The following FAT3 variants were observed in gnomAD, a reference collection of about 807,000 sequenced individuals.
FAT3 encodes FAT atypical cadherin 3, also known as protocadherin Fat 3.
FAT3 carries 95 observed loss-of-function variants against 310.2 expected under a neutral mutation model. The ratio of observed to expected loss-of-function variants is 0.31; its 90% CI spans 0.26 to 0.36. The LOEUF (loss-of-function observed/expected upper bound fraction) is 0.36. FAT3 is among the 10% of genes least tolerant of loss of function. The probability of loss-of-function intolerance (pLI) is 1.00; values close to 1 mark genes in which losing one functional copy is unlikely to be tolerated. For synonymous variants in FAT3, 2,314 were observed against 2,192.9 expected, an observed-to-expected ratio of 1.06 and a Z score of -1.54; for missense variants, 5,408 against 5,715.6, an observed-to-expected ratio of 0.95 and a Z score of 1.74.
chr11:92,794,804 C>G (rs10501797), intron 9 of FAT3, among the ~76,000 whole-genome samples: 50,681 of 152,016 alleles, frequency 0.33, 8,748 homozygotes, highest in African/African-American at 0.36. Flanking sequence ...CACAATAAAT[C>G]TCAAATGACC....
At chr11:92,576,288 G>GT (rs1383637915) in intron 3 of FAT3, among the ~76,000 whole-genome samples, 1 of 151,638 alleles carries the variant, frequency 6.6e-6, no homozygotes, top group Non-Finnish European at 1.5e-5. Context: ...ACTTCGTTGG[G>GT]TTTTAATTAC....
At chr11:92,572,661 T>G (rs150053498) in intron 3 of FAT3, among the ~76,000 whole-genome samples, 181 of 152,322 alleles carry the variant, frequency 1.2e-3, no homozygotes, top group African/African-American at 4.0e-3. Context: ...AATGACTGTG[T>G]ACATTGAGGT....
intron 3 of FAT3, among the ~76,000 whole-genome samples, chr11:92,657,315 A>G (rs1258479556): frequency 6.6e-6 from 1 of 152,204 alleles, no homozygotes; most frequent in African/African-American, 2.4e-5. Flanking sequence ...TGCTGAACAA[A>G]GATAATCATG....
At chr11:92,391,110 G>A (rs968103584) in intron 2 of FAT3, among the ~76,000 whole-genome samples, 1 of 152,124 alleles carries the variant, frequency 6.6e-6, no homozygotes, top group Non-Finnish European at 1.5e-5. Flanking sequence ...GTAGCCTAAG[G>A]CTGTGTAACT....
intron 2 of FAT3, among the ~76,000 whole-genome samples, chr11:92,405,265 T>C (rs918891323): frequency 6.6e-6 from 1 of 152,164 alleles, no homozygotes; most frequent in African/African-American, 2.4e-5. Flanking sequence ...TGCCTTCTCA[T>C]GGTGCTCTAG....
At chr11:92,257,397 C>T (rs2134294720) in intron 1 of FAT3, among the ~76,000 whole-genome samples, 1 of 152,112 alleles carries the variant, frequency 6.6e-6, no homozygotes, top group South Asian at 2.1e-4. Flanking sequence ...TTTAACATTT[C>T]CCCAGGGAAG....
chr11:92,864,191 A>AGGTAGGAGGTGGGG (rs1949182593), intron 21 of FAT3, among the ~76,000 whole-genome samples: 1 of 152,186 alleles, frequency 6.6e-6, no homozygotes, highest in Non-Finnish European at 1.5e-5. Context: ...TTATTCAAAG[A>AGGTAGGAGGTGGGG]GGTAGGAGGT....
At chr11:92,845,089 C>A (rs1041190870) in intron 19 of FAT3, among the ~76,000 whole-genome samples, 1 of 152,128 alleles carries the variant, frequency 6.6e-6, no homozygotes, top group African/African-American at 2.4e-5. Context: ...GCCTTCTAGG[C>A]AAGGGGCAGC....
intron 2 of FAT3, among the ~76,000 whole-genome samples, chr11:92,460,090 A>T (rs181694200): frequency 6.6e-6 from 1 of 152,118 alleles, no homozygotes; most frequent in Non-Finnish European, 1.5e-5. Flanking sequence ...TTTTCCTCCA[A>T]TGATGCCTGC....
chr11:92,296,324 A>G (rs1392287713), intron 1 of FAT3, among the ~76,000 whole-genome samples: 2 of 152,156 alleles, frequency 1.3e-5, no homozygotes, highest in African/African-American at 2.4e-5. Flanking sequence ...ACATAACAGT[A>G]TCATGACTCA....
At position 92,661,980 on chromosome 11, in the gene FAT3, C is replaced by T. The variant is rs369840479; in HGVS notation, c.3608-35404C>T. Among the ~76,000 whole-genome samples the T allele has an allele frequency of 2.0e-5, 3 of 152,046 alleles. No individual in the cohort carries two copies. The East Asian group carries it at 5.8e-4, about 29-fold the overall frequency. ...GGGTGATTATTATGTGGAAAAGTGA[C>T]TCTCTTGGTAGCCAAGCAGAAGAAC... On this transcript the variant is annotated intron_variant, in intron 3 of 27. Coordinates refer to ENST00000525166, the MANE Select transcript of FAT3 (RefSeq NM_001367949.2).
intron 4 of FAT3, among the ~76,000 whole-genome samples, chr11:92,749,292 GCACA>G (rs377304020): frequency 2.0e-5 from 3 of 151,020 alleles, no homozygotes; most frequent in African/African-American, 4.9e-5. Context: ...ACACAAATAG[GCACA>G]CACACACACA....
intron 13 of FAT3, among the ~76,000 whole-genome samples, chr11:92,825,711 G>A (rs1003513527): frequency 6.6e-6 from 1 of 152,082 alleles, no homozygotes; most frequent in African/African-American, 2.4e-5. Context: ...TAGGAAGTTG[G>A]AAGTCAGTTA....
intron 2 of FAT3, among the ~76,000 whole-genome samples, chr11:92,442,566 A>T (rs188226965): frequency 2.6e-5 from 4 of 152,270 alleles, no homozygotes; most frequent in Non-Finnish European, 5.9e-5. Flanking sequence ...GACTTAATGT[A>T]CTCTGTAAAG....
At chr11:92,879,298 A>G (rs536506602) in intron 22 of FAT3, among the ~76,000 whole-genome samples, 2 of 152,298 alleles carry the variant, frequency 1.3e-5, no homozygotes, top group African/African-American at 4.8e-5. Context: ...ATAGGCAGAC[A>G]GGTGATACAG....
intron 1 of FAT3, among the ~76,000 whole-genome samples, chr11:92,229,507 G>GTTTTTTTTTTTTTTTTTTTTTTTTTTT (rs1565339350): frequency 1.7e-5 from 1 of 58,160 alleles, no homozygotes; most frequent in African/African-American, 6.4e-5. Context: ...TTTTTTTTTT[G>GTTTTTTTTTTTTTTTTTTTTTTTTTTT]TTTTTTGTTT....
chr11:92,476,989 A>G lies in FAT3; in HGVS notation c.3293-47645A>G, dbSNP rs141684158. On this transcript the variant is annotated intron_variant, in intron 2 of 27. Transcript: ENST00000525166. ...ATTCCGTCCAGACTGCCAGAAGCCA[A>G]TGGTGGTAATGGAAAACATAAATAG... Among the ~76,000 whole-genome samples the G allele has an allele frequency of 2.4e-3, 366 of 152,308 alleles. 2 individuals are homozygous for G. Among genetic ancestry groups the G allele is most frequent in the African/African-American group, 8.1e-3 (337 of 41,572 alleles).
At chr11:92,457,851 G>C (rs1317334012) in intron 2 of FAT3, among the ~76,000 whole-genome samples, 1 of 152,210 alleles carries the variant, frequency 6.6e-6, no homozygotes, top group Admixed American at 6.5e-5. Flanking sequence ...GAACCCAGGA[G>C]GGGGAGGTTG....
intron 2 of FAT3, among the ~76,000 whole-genome samples, chr11:92,393,789 C>T (rs1949800304): frequency 6.6e-6 from 1 of 152,178 alleles, no homozygotes; most frequent in African/African-American, 2.4e-5. Context: ...TGAAGGGCTT[C>T]ACTCAGAAGC....
Sources: allele counts gnomAD v4.1 joint callset (sites outside exome capture counted in the v4.1 genomes callset), GRCh38; gene constraint gnomAD v4.1.1; transcripts MANE v1.5; gene names NCBI Gene and HGNC (gene_info 2026-07-23, HGNC 2026-07-21).